FAM149A: variants seen among roughly 807,000 people sequenced by gnomAD.
FAM149A encodes family with sequence similarity 149 member A.
In FAM149A, 71 loss-of-function variants were observed where a neutral mutation model predicts 78.2. The observed-to-expected ratio is 0.91, with a 90% CI of 0.75 to 1.11. The LOEUF is 1.11. FAM149A is among the 50% of genes least tolerant of loss of function. The pLI, the probability that FAM149A is intolerant of heterozygous loss-of-function variation, is 0.00. For synonymous variants in FAM149A, 446 were observed against 410.5 expected (o/e 1.09, Z -1.04); for missense variants, 1,036 against 971.0 (o/e 1.07, Z -0.89).
In FAM149A at chr4:186,144,803, C is replaced by T. The variant is rs1425751612; in HGVS notation, c.567-4370C>T. ...TTAGCTGGCGGGCGAGGGCGCAGCG[C>T]AGGGAGGAGGAGGGGAGGCGGCGCC... On this transcript the variant is annotated intron_variant, in intron 1 of 13. Coordinates refer to ENST00000389354, the MANE Select transcript of FAM149A (RefSeq NM_001367768.3). The surrounding 1 kb of genome is among the most constrained non-coding windows in gnomAD (Gnocchi z 4.2). 4 of 980,362 alleles carry T rather than the reference C, an allele frequency of 4.1e-6. No individual in the cohort carries two copies. The highest frequency in any genetic ancestry group is 4.8e-6 in the Non-Finnish European group (4 of 826,528). The allele number at this position is 980,362 out of a possible 1,614,324, so 60.7% of individuals were successfully genotyped here.
rs367970707 is a variant in FAM149A at position 186,116,619 on chromosome 4, G to C, written c.566+10977G>C. ...AATTTTTTTTTTTTAATTTGAGACA[G>C]AGTCTCACTCTGTCACCAGGCTGGC... On this transcript the variant is annotated intron_variant, in intron 1 of 13. Transcript: ENST00000389354. 8.3e-6 allele frequency: 8 copies of C among 958,218 alleles called. No individual in the cohort carries two copies. In the African/African-American group the frequency reaches 1.4e-4, roughly 17 times the overall value. 59.4% of individuals were successfully genotyped at this position (958,218 alleles called of 1,614,324 possible). A position where few individuals can be genotyped will look rare whatever the true frequency, so the allele number is the denominator to read the frequency against.
chr4:186,123,112 C>G (rs1007802665), intron 1 of FAM149A: 1 of 482,876 alleles, frequency 2.1e-6, no homozygotes, highest in Non-Finnish European at 2.7e-6. Context: ...TAGGCCATGC[C>G]TCTGCATTCA....
chr4:186,131,810 C>T, intron 1 of FAM149A: 1 of 824,418 alleles, frequency 1.2e-6, no homozygotes, highest in Non-Finnish European at 1.5e-6. Flanking sequence ...TGCTAACAGA[C>T]AAAATAATTG....
Position 186,104,958 on chromosome 4 carries a change from C to T in FAM149A, c.-119C>T. On this transcript the variant is annotated 5_prime_UTR_variant, in exon 1 of 14. Transcript: ENST00000389354. ...TCGGGGAGGAGAGGGAGCCAGGGGCCTCCGGGGCTCCGGGTGCGGGGACCT... is the reference window on the plus strand; with the variant it reads ...TCGGGGAGGAGAGGGAGCCAGGGGCTTCCGGGGCTCCGGGTGCGGGGACCT... 2 of 1,175,176 alleles carry T rather than the reference C, an allele frequency of 1.7e-6. No homozygotes were observed. The highest frequency in any genetic ancestry group is 2.1e-6 in the Non-Finnish European group (2 of 939,868). 72.8% of individuals were successfully genotyped at this position (1,175,176 alleles called of 1,614,324 possible). A position where few individuals can be genotyped will look rare whatever the true frequency, so the allele number is the denominator to read the frequency against.
intron 1 of FAM149A, among the ~76,000 whole-genome samples, chr4:186,119,842 T>A (rs2150089454): frequency 6.6e-6 from 1 of 152,316 alleles, no homozygotes; most frequent in South Asian, 2.1e-4. Context: ...ACCATCCCTG[T>A]AGAGATGCAG....
Position 186,153,709 on chromosome 4 carries a change from C to G in FAM149A, c.997C>G (p.Pro333Ala). ...CGTCCAGCATTTCCAGGGCAGCACT[C>G]CTGCCTCCGCAGTCCACAGACCCCC... The change falls in exon 5 of 14, where the codon CCT becomes GCT. Residue 333 changes from proline to alanine, a missense_variant. Around this residue, in one of 3 missense-constraint regions of FAM149A, gnomAD observed 716 missense variants for 711.8 expected, o/e 1.01. Transcript: ENST00000389354. The G allele has an allele frequency of 6.2e-7, 1 of 1,614,070 alleles. No homozygotes were observed. Among genetic ancestry groups the G allele is most frequent in the Non-Finnish European group, 8.5e-7 (1 of 1,179,930 alleles).
At chr4:186,113,666 A>G (rs2099312270) in intron 1 of FAM149A, among the ~76,000 whole-genome samples, 1 of 149,286 alleles carries the variant, frequency 6.7e-6, no homozygotes, top group African/African-American at 2.5e-5. Context: ...GTAGTCATTC[A>G]GGAGCAGGTT....
intron 1 of FAM149A, chr4:186,109,764 G>A (rs1163155589): frequency 2.0e-6 from 2 of 982,172 alleles, no homozygotes; most frequent in Non-Finnish European, 2.4e-6. Flanking sequence ...AGAAAAAACA[G>A]AGAAAAATGA....
Position 186,151,931 on chromosome 4 carries a change from T to C in FAM149A, c.818T>C (p.Val273Ala). The C allele has an allele frequency of 6.2e-7, 1 of 1,614,108 alleles. No individual in the cohort carries two copies. The highest frequency in any genetic ancestry group is 8.5e-7 in the Non-Finnish European group (1 of 1,179,984). ...TTTGACGAAGCCAGTTCACAGTCAG[T>C]GCAGCGGTTACTCTGGGAGGTGGAG... Residue 273 changes from valine (V) to alanine (A), a missense_variant, in exon 4 of 14, where the codon GTG (valine) becomes GCG (alanine). Val to Ala is a moderately conservative substitution (Grantham distance 64). Coordinates refer to ENST00000389354, the MANE Select transcript of FAM149A (RefSeq NM_001367768.3).
chr4:186,144,758 A>C lies in FAM149A; in HGVS notation c.567-4415A>C. On this transcript the variant is annotated intron_variant, in intron 1 of 13. Coordinates refer to ENST00000389354, the MANE Select transcript of FAM149A (RefSeq NM_001367768.3). The surrounding 1 kb of genome is among the most constrained non-coding windows in gnomAD (Gnocchi z 4.2). ...GCCGGGGCCGGGGCCCGGAGCGGGGATGGGCGGGCGCAGCCGGGATTAGCT... is the reference window on the plus strand; with the variant it reads ...GCCGGGGCCGGGGCCCGGAGCGGGGCTGGGCGGGCGCAGCCGGGATTAGCT... The C allele has an allele frequency of 2.3e-5, 21 of 913,304 alleles. No homozygotes were observed. The highest frequency in any genetic ancestry group is 2.6e-5 in the Non-Finnish European group (20 of 767,612). 56.6% of individuals were successfully genotyped at this position (913,304 alleles called of 1,614,324 possible).
chr4:186,159,624 A>C (rs1328491429), intron 8 of FAM149A, among the ~76,000 whole-genome samples: 1 of 152,144 alleles, frequency 6.6e-6, no homozygotes, highest in Non-Finnish European at 1.5e-5. Flanking sequence ...TGTCCAAGGG[A>C]TTATTGTGAG....
intron 1 of FAM149A, chr4:186,127,731 G>A: frequency 9.4e-6 from 9 of 954,516 alleles, no homozygotes; most frequent in Non-Finnish European, 1.0e-5. Flanking sequence ...TGTCACCCAG[G>A]CTGGAGTGCA....
intron 1 of FAM149A, among the ~76,000 whole-genome samples, chr4:186,124,532 T>C (rs7435857): frequency 0.99 from 150,353 of 151,488 alleles, 74,627 homozygotes; most frequent in Non-Finnish European, 1. Flanking sequence ...TCTGTCCTTG[T>C]GACAGTTTGC....
At chr4:186,116,621 GTC>G in intron 1 of FAM149A, 1 of 973,006 alleles carries the variant, frequency 1.0e-6, no homozygotes, top group Admixed American at 6.2e-5. Flanking sequence ...TTGAGACAGA[GTC>G]TCACTCTGTC....
rs527256284 is a variant in FAM149A, at chr4:186,144,789, G to A, written c.567-4384G>A. ...GGGCGCAGCCGGGATTAGCTGGCGG[G>A]CGAGGGCGCAGCGCAGGGAGGAGGA... On this transcript the variant is annotated intron_variant, in intron 1 of 13. Coordinates refer to ENST00000389354, the MANE Select transcript of FAM149A (RefSeq NM_001367768.3). The surrounding 1 kb of genome is among the most constrained non-coding windows in gnomAD (Gnocchi z 4.2). 9.2e-6 allele frequency: 9 copies of A among 980,348 alleles called. No homozygotes were observed. In the East Asian group the frequency reaches 6.9e-4, roughly 75 times the overall value. The allele number at this position is 980,348 out of a possible 1,614,324, so 60.7% of individuals were successfully genotyped here.
chr4:186,162,547 G>A (rs567155340), intron 8 of FAM149A, among the ~76,000 whole-genome samples: 17 of 152,134 alleles, frequency 1.1e-4, no homozygotes, highest in South Asian at 4.1e-4. Context: ...GGCTGGTGGC[G>A]TTCCTACCCC....
At chr4:186,141,398 T>G (rs1258745844) in intron 1 of FAM149A, among the ~76,000 whole-genome samples, 1 of 152,192 alleles carries the variant, frequency 6.6e-6, no homozygotes, top group African/African-American at 2.4e-5. Flanking sequence ...ATCATTAAAA[T>G]TAATTGTACC....
chr4:186,132,114 G>T, intron 1 of FAM149A: 1 of 985,430 alleles, frequency 1.0e-6, no homozygotes, highest in African/African-American at 1.7e-5. Context: ...CAGAGGCTTG[G>T]TGATGCTAAT....
At chr4:186,121,777 C>A (rs1330172276) in intron 1 of FAM149A, among the ~76,000 whole-genome samples, 1 of 152,190 alleles carries the variant, frequency 6.6e-6, no homozygotes, top group Non-Finnish European at 1.5e-5. Flanking sequence ...CTCTTCTGAC[C>A]CTGTTGAAGT....
Sources: gnomAD v4.1 joint callset for allele counts (sites outside exome capture counted in the v4.1 genomes callset) on GRCh38, gnomAD v4.1.1 for gene constraint, gnomAD v4.1.1 regional missense constraint, Gnocchi (gnomAD v3.1) non-coding constraint, MANE v1.5 for transcripts, NCBI Gene and HGNC (gene_info 2026-07-23, HGNC 2026-07-21) for gene names.